The following CNTNAP5 variants were observed in gnomAD, a reference collection of about 807,000 sequenced individuals.
The protein encoded by CNTNAP5 is contactin associated protein family member 5, also known as contactin-associated protein-like 5.
Under a neutral mutation model 150.2 loss-of-function variants are expected in CNTNAP5, and 72 were observed. The observed-to-expected ratio is 0.48, with a 90% CI of 0.40 to 0.58. CNTNAP5 has a LOEUF of 0.58. Ranked by LOEUF, CNTNAP5 falls within the 20% of genes least tolerant of loss-of-function variation. The probability of loss-of-function intolerance (pLI) is 0.00; values close to 1 mark genes in which losing one functional copy is unlikely to be tolerated. For synonymous variants in CNTNAP5, 672 were observed against 619.8 expected, an observed-to-expected ratio of 1.08 and a Z score of -1.25; for missense variants, 1,636 against 1,626.2, an observed-to-expected ratio of 1.01 and a Z score of -0.10.
intron 11 of CNTNAP5, among the ~76,000 whole-genome samples, chr2:124,565,700 C>T (rs548380468): frequency 2.7e-4 from 40 of 149,484 alleles, no homozygotes; most frequent in African/African-American, 8.4e-4. Context: ...CCCAGGTTCA[C>T]GCCATTCTCC....
intron 3 of CNTNAP5, among the ~76,000 whole-genome samples, chr2:124,318,075 C>G (rs1689011150): frequency 6.6e-6 from 1 of 152,136 alleles, no homozygotes; most frequent in Non-Finnish European, 1.5e-5. Context: ...GGACGATGAG[C>G]TGAGACTGCA....
At chr2:124,736,997 T>C (rs963962732) in intron 13 of CNTNAP5, among the ~76,000 whole-genome samples, 3 of 152,044 alleles carry the variant, frequency 2.0e-5, no homozygotes, top group Non-Finnish European at 4.4e-5. Context: ...TAGTCAGTAC[T>C]CTTAAGAACA....
intron 22 of CNTNAP5, among the ~76,000 whole-genome samples, chr2:124,909,163 C>T (rs1021545157): frequency 4.6e-5 from 7 of 152,136 alleles, no homozygotes; most frequent in African/African-American, 1.7e-4. Flanking sequence ...AGAGCAACTT[C>T]CAGTCCTGCA....
intron 13 of CNTNAP5, among the ~76,000 whole-genome samples, chr2:124,721,152 C>T (rs2105115931): frequency 6.6e-6 from 1 of 152,260 alleles, no homozygotes; most frequent in South Asian, 2.1e-4. Context: ...GTACTCAGAA[C>T]TGACCAGCAG....
intron 3 of CNTNAP5, among the ~76,000 whole-genome samples, chr2:124,313,159 T>A (rs1232275015): frequency 2.0e-5 from 3 of 152,204 alleles, no homozygotes; most frequent in African/African-American, 7.2e-5. Context: ...TATGTAACAG[T>A]CACTCAGGCT....
At chr2:124,580,984 T>C (rs902637678) in intron 11 of CNTNAP5, among the ~76,000 whole-genome samples, 2 of 151,912 alleles carry the variant, frequency 1.3e-5, no homozygotes, top group African/African-American at 2.4e-5. Flanking sequence ...CGGGAGTCAT[T>C]GGAAGTAGAG....
At chr2:124,651,261 G>A (rs1333162551) in intron 13 of CNTNAP5, among the ~76,000 whole-genome samples, 1 of 152,160 alleles carries the variant, frequency 6.6e-6, no homozygotes, top group Non-Finnish European at 1.5e-5. Context: ...ATAAATTATG[G>A]CTGCAGGTGC....
At chr2:124,333,049 G>A (rs914427277) in intron 3 of CNTNAP5, among the ~76,000 whole-genome samples, 2 of 151,992 alleles carry the variant, frequency 1.3e-5, no homozygotes, top group Non-Finnish European at 1.5e-5. Flanking sequence ...CCAAAATAAA[G>A]AATTTATAGC....
intron 1 of CNTNAP5, among the ~76,000 whole-genome samples, chr2:124,201,127 A>G (rs751379230): frequency 6.6e-6 from 1 of 152,158 alleles, no homozygotes; most frequent in Non-Finnish European, 1.5e-5. Flanking sequence ...CATTTCTACA[A>G]TTCACTCAAA....
At chr2:124,347,988 C>T (rs192600810) in intron 3 of CNTNAP5, among the ~76,000 whole-genome samples, 35 of 152,030 alleles carry the variant, frequency 2.3e-4, no homozygotes, top group Admixed American at 9.8e-4. Flanking sequence ...CCACCACGCC[C>T]GGCTAATTTT....
chr2:124,362,007 T>C (rs1416460314), intron 3 of CNTNAP5, among the ~76,000 whole-genome samples: 2 of 152,198 alleles, frequency 1.3e-5, no homozygotes, highest in Non-Finnish European at 2.9e-5. Flanking sequence ...GATATAATCT[T>C]GTGGTGCGCC....
At chr2:124,736,438 G>T (rs1258436980) in intron 13 of CNTNAP5, among the ~76,000 whole-genome samples, 2 of 152,024 alleles carry the variant, frequency 1.3e-5, no homozygotes, top group Non-Finnish European at 2.9e-5. Flanking sequence ...GAACTTGATG[G>T]CAGGATTCAT....
At chr2:124,853,626 A>G (rs1677276372) in intron 19 of CNTNAP5, among the ~76,000 whole-genome samples, 1 of 152,154 alleles carries the variant, frequency 6.6e-6, no homozygotes, top group African/African-American at 2.4e-5. Flanking sequence ...TTCTTCCCAG[A>G]CAAACTCTTT....
chr2:124,834,709 C>A (rs1348778037), intron 19 of CNTNAP5, among the ~76,000 whole-genome samples: 1 of 151,908 alleles, frequency 6.6e-6, no homozygotes, highest in African/African-American at 2.4e-5. Flanking sequence ...ACTGAGGGTG[C>A]TGCTTACCTG....
chr2:124,698,055 GCCATGCTAAGA>G (rs1328801584), intron 13 of CNTNAP5, among the ~76,000 whole-genome samples: 15 of 151,984 alleles, frequency 9.9e-5, no homozygotes, highest in Admixed American at 3.3e-4. Context: ...GCCCTTTTTG[GCCATGCTAAGA>G]CCATAGATTT....
At chr2:124,255,764 C>T (rs1687296997) in intron 3 of CNTNAP5, among the ~76,000 whole-genome samples, 2 of 152,018 alleles carry the variant, frequency 1.3e-5, no homozygotes, top group African/African-American at 4.8e-5. Flanking sequence ...ATGCCCCATT[C>T]CTGGCTGTGT....
At chr2:124,655,186 TC>T (rs1678415885) in intron 13 of CNTNAP5, among the ~76,000 whole-genome samples, 1 of 152,078 alleles carries the variant, frequency 6.6e-6, no homozygotes, top group African/African-American at 2.4e-5. Flanking sequence ...GATGTTTCCC[TC>T]CCTGTGTCCA....
chr2:124,025,807 G>C lies in CNTNAP5; in HGVS notation c.82+75G>C, dbSNP rs918981636. 27 of 1,210,554 alleles carry C rather than the reference G, an allele frequency of 2.2e-5. No homozygotes were observed. The African/African-American group carries it at 3.9e-4, about 17-fold the overall frequency. 75.0% of individuals were successfully genotyped at this position (1,210,554 alleles called of 1,614,324 possible). A position where few individuals can be genotyped will look rare whatever the true frequency, so the allele number is the denominator to read the frequency against. ...TTCAGAAAGACAATCAACTATCTAA[G>C]CGTACTCGATTGTGTCTGCTTTGGG... is the stretch of plus-strand genomic sequence containing the variant. On this transcript the variant is annotated intron_variant, in intron 1 of 23. Coordinates refer to ENST00000682447, the MANE Select transcript of CNTNAP5 (RefSeq NM_001367498.1).
intron 1 of CNTNAP5, among the ~76,000 whole-genome samples, chr2:124,209,492 G>A (rs1264174531): frequency 3.3e-5 from 5 of 152,114 alleles, no homozygotes; most frequent in Admixed American, 6.6e-5. Flanking sequence ...AATCTTGAAC[G>A]CACTTCCCTG....
Sources: allele counts gnomAD v4.1 joint callset (sites outside exome capture counted in the v4.1 genomes callset), GRCh38; gene constraint gnomAD v4.1.1; transcripts MANE v1.5; gene names NCBI Gene and HGNC (gene_info 2026-07-23, HGNC 2026-07-21).